The following STK3 variants were observed in gnomAD, a reference collection of about 807,000 sequenced individuals.
STK3 encodes serine/threonine kinase 3.
In STK3, 41 loss-of-function variants were observed where a neutral mutation model predicts 58.0. That is an observed-to-expected ratio of 0.71 (90% CI 0.55 to 0.92). The LOEUF is 0.92. Ranked by LOEUF, STK3 falls within the 40% of genes least tolerant of loss-of-function variation. The pLI is 0.00. For synonymous variants in STK3, 170 were observed against 191.0 expected (o/e 0.89, Z 0.91); for missense variants, 479 against 602.7 (o/e 0.79, Z 2.15).
chr8:98,934,286 G>C (rs566262572), intron 1 of STK3, among the ~76,000 whole-genome samples: 1 of 152,228 alleles, frequency 6.6e-6, no homozygotes, highest in South Asian at 2.1e-4. Context: ...CCAGTCACTA[G>C]GCCCACCTGA....
intron 1 of STK3, among the ~76,000 whole-genome samples, chr8:98,910,460 T>C (rs184218790): frequency 8.3e-4 from 127 of 152,296 alleles, no homozygotes; most frequent in African/African-American, 2.9e-3. Context: ...TAACATGTCT[T>C]CCCTAAACAA....
intron 9 of STK3, among the ~76,000 whole-genome samples, chr8:98,530,706 T>A (rs10955180): frequency 0.4 from 60,723 of 152,046 alleles, 12,358 homozygotes; most frequent in East Asian, 0.53. Flanking sequence ...CATGAGATGC[T>A]GTTTCGTAAC....
At chr8:98,511,376 G>T (rs1824505467) in intron 10 of STK3, among the ~76,000 whole-genome samples, 1 of 151,626 alleles carries the variant, frequency 6.6e-6, no homozygotes, top group Admixed American at 6.6e-5. Flanking sequence ...ATCTATTAAG[G>T]ATTAAAAATA....
intron 1 of STK3, among the ~76,000 whole-genome samples, chr8:98,893,468 AAGAAAGAAAG>A (rs1838300730): frequency 2.0e-5 from 2 of 97,848 alleles, no homozygotes; most frequent in African/African-American, 1.0e-4. Flanking sequence ...GAAAGAAAGA[AAGAAAGAAAG>A]AAAGAAAGAG....
intron 10 of STK3, among the ~76,000 whole-genome samples, chr8:98,474,645 C>T (rs965132756): frequency 1.1e-4 from 16 of 152,170 alleles, no homozygotes; most frequent in African/African-American, 3.6e-4. Context: ...CTGAGAGTGT[C>T]CTTTCCCTCA....
At chr8:98,801,516 C>T (rs889166904) in intron 1 of STK3, among the ~76,000 whole-genome samples, 4 of 152,058 alleles carry the variant, frequency 2.6e-5, no homozygotes, top group Admixed American at 6.5e-5. Context: ...CTGAGGCCAG[C>T]GAGACCATGA....
intron 6 of STK3, among the ~76,000 whole-genome samples, chr8:98,675,231 C>T (rs1823110933): frequency 6.6e-6 from 1 of 152,146 alleles, no homozygotes; most frequent in Non-Finnish European, 1.5e-5. Context: ...CTACACTACA[C>T]TATATATGAG....
chr8:98,821,360 T>G lies in STK3; in HGVS notation c.26+4155A>C, dbSNP rs1265747847. ...CCCAACCAAACCATCTGTGCAAAAA[T>G]TGTTTCCCACGAGACTGGTCCCTGG... On this transcript the variant is annotated intron_variant, in intron 1 of 10. Transcript: ENST00000419617. Among the ~76,000 whole-genome samples the G allele has an allele frequency of 2.0e-5, 3 of 152,002 alleles. No homozygotes were observed. In the East Asian group the frequency reaches 5.8e-4, roughly 29 times the overall value.
chr8:98,849,716 A>T (rs778933328), intron 3 of STK3, among the ~76,000 whole-genome samples: 7 of 152,168 alleles, frequency 4.6e-5, no homozygotes, highest in Non-Finnish European at 8.8e-5. Flanking sequence ...TCATAATTTC[A>T]GATACCAAAA....
At chr8:98,671,357 A>G (rs1822817799) in intron 6 of STK3, among the ~76,000 whole-genome samples, 1 of 152,226 alleles carries the variant, frequency 6.6e-6, no homozygotes, top group Admixed American at 6.5e-5. Flanking sequence ...CAAAGCAGAG[A>G]CAAAGTTCAT....
At chr8:98,723,870 C>T (rs1238599000) in intron 4 of STK3, among the ~76,000 whole-genome samples, 1 of 152,082 alleles carries the variant, frequency 6.6e-6, no homozygotes, top group African/African-American at 2.4e-5. Flanking sequence ...TCAAACTTTG[C>T]CTCTTTCAAG....
chr8:98,498,520 A>T (rs549359662), intron 10 of STK3, among the ~76,000 whole-genome samples: 1 of 152,326 alleles, frequency 6.6e-6, no homozygotes, highest in East Asian at 1.9e-4. Flanking sequence ...TCACTATTTC[A>T]TGTTACTGTA....
intron 3 of STK3, among the ~76,000 whole-genome samples, chr8:98,860,219 A>T (rs1217681267): frequency 6.6e-6 from 1 of 152,242 alleles, no homozygotes; most frequent in Non-Finnish European, 1.5e-5. Flanking sequence ...AGATGTGATA[A>T]CATGAAATAG....
the STK3 span, among the ~76,000 whole-genome samples, chr8:98,364,973 TTTAC>T: frequency 4.2e-4 from 2 of 4,770 alleles, no homozygotes; most frequent in Non-Finnish European, 7.9e-4. Context: ...GGACCACAAT[TTTAC>T]ACTGTTTTTC....
At chr8:98,468,657 C>A (rs1332637464) in intron 10 of STK3, among the ~76,000 whole-genome samples, 1 of 152,124 alleles carries the variant, frequency 6.6e-6, no homozygotes, top group Non-Finnish European at 1.5e-5. Flanking sequence ...GAACATAAGT[C>A]CTGCTAGTTA....
At chr8:98,885,180 G>A (rs1252340215) in intron 1 of STK3, among the ~76,000 whole-genome samples, 1 of 152,172 alleles carries the variant, frequency 6.6e-6, no homozygotes, top group Non-Finnish European at 1.5e-5. Context: ...CTTACCAGGA[G>A]TATAAAATCA....
intron 8 of STK3, among the ~76,000 whole-genome samples, chr8:98,573,775 C>T (rs1221815881): frequency 6.6e-6 from 1 of 152,140 alleles, no homozygotes; most frequent in Non-Finnish European, 1.5e-5. Flanking sequence ...TTAGTCCATT[C>T]TCACGCTGCT....
At chr8:98,708,303 C>A (rs549240007) in intron 4 of STK3, among the ~76,000 whole-genome samples, 1 of 152,254 alleles carries the variant, frequency 6.6e-6, no homozygotes, top group Admixed American at 6.5e-5. Context: ...GATACTTCCC[C>A]TGAGATATTT....
intron 6 of STK3, among the ~76,000 whole-genome samples, chr8:98,633,319 C>T (rs1819391776): frequency 6.6e-6 from 1 of 152,156 alleles, no homozygotes; most frequent in Admixed American, 6.5e-5. Flanking sequence ...TTACATGACA[C>T]CCTTAAAAAT....
Sources: allele counts gnomAD v4.1 joint callset (sites outside exome capture counted in the v4.1 genomes callset), GRCh38; gene constraint gnomAD v4.1.1; transcripts MANE v1.5; gene names NCBI Gene and HGNC (gene_info 2026-07-23, HGNC 2026-07-21).